Variants in NCOA3 observed in about 807,000 individuals in gnomAD.
NCOA3 encodes the protein CBP-interacting protein.
Under a neutral mutation model 158.8 loss-of-function variants are expected in NCOA3, and 51 were observed. The observed-to-expected ratio is 0.32, with a 90% confidence interval of 0.26 to 0.41. NCOA3 has a LOEUF of 0.41. Among genes scored for constraint, NCOA3 ranks in the 10% least tolerant of loss-of-function variants. NCOA3 has a pLI of 1.00. For synonymous variants in NCOA3, 537 were observed against 592.4 expected, an observed-to-expected ratio of 0.91 and a Z score of 1.36; for missense variants, 1,510 against 1,746.6, an observed-to-expected ratio of 0.86 and a Z score of 2.41.
chr20:47,521,459 G>A (rs186102227), intron 1 of NCOA3, among the ~76,000 whole-genome samples: 1 of 152,244 alleles, frequency 6.6e-6, no homozygotes, highest in East Asian at 1.9e-4. Context: ...TCTTATTCCT[G>A]ACGCACGTGG....
chr20:47,623,209 G>A (rs1373540373), intron 3 of NCOA3, among the ~76,000 whole-genome samples: 3 of 152,158 alleles, frequency 2.0e-5, no homozygotes, highest in Non-Finnish European at 4.4e-5. Flanking sequence ...GAAGTTTAAT[G>A]TGCTAGTTGA....
chr20:47,635,375 C>T lies in NCOA3; in HGVS notation c.1166C>T (p.Pro389Leu), dbSNP rs1250026993. 1.2e-6 allele frequency: 2 copies of T among 1,612,654 alleles called. No individual in the cohort carries two copies. The highest frequency in any genetic ancestry group is 1.7e-5 in the Admixed American group (1 of 59,990). ...AATCCTGTTGGACAAGGGATTAGAC[C>T]ACCTATGGCTGGATGCAACAGTTCG... ...NPNPVGQGIR[P>L]PMAGCNSSVG... The change falls in exon 11 of 23, where the codon CCA becomes CTA. Residue 389 changes from proline (P) to leucine (L), a missense_variant. Around this residue, in one of 4 missense-constraint regions of NCOA3, gnomAD observed 1,017 missense variants for 1,098.3 expected, o/e 0.93. Transcript: ENST00000371998.
At chr20:47,539,825 T>C (rs1003151703) in intron 1 of NCOA3, among the ~76,000 whole-genome samples, 10 of 152,236 alleles carry the variant, frequency 6.6e-5, no homozygotes, top group Non-Finnish European at 1.3e-4. Flanking sequence ...GCACCCGGCC[T>C]ATTTTATGTA....
chr20:47,561,998 A>C (rs1306621535), intron 1 of NCOA3, among the ~76,000 whole-genome samples: 1 of 151,776 alleles, frequency 6.6e-6, no homozygotes, highest in East Asian at 1.9e-4. Context: ...GACATGTCAT[A>C]TAGTTGGAAC....
intron 1 of NCOA3, among the ~76,000 whole-genome samples, chr20:47,512,460 C>T (rs542018730): frequency 2.0e-5 from 3 of 149,866 alleles, no homozygotes; most frequent in East Asian, 4.0e-4. Context: ...CCCAGCTACT[C>T]GGGAGGTTGA....
At chr20:47,622,159 A>C in intron 2 of NCOA3, 70 bp from the exon 3 acceptor site, 1 of 764,128 alleles carries the variant, frequency 1.3e-6, no homozygotes, top group African/African-American at 1.8e-5. Context: ...TCATTCAGTC[A>C]TATAACACCT....
intron 1 of NCOA3, among the ~76,000 whole-genome samples, chr20:47,505,009 T>TTTTTTTG (rs2084006551): frequency 2.0e-5 from 2 of 100,318 alleles, no homozygotes; most frequent in Non-Finnish European, 2.2e-5. Context: ...TTTGGTTTTT[T>TTTTTTTG]TTTTTTTTTT....
intron 1 of NCOA3, among the ~76,000 whole-genome samples, chr20:47,570,984 A>ATATGTG (rs1555805798): frequency 2.5e-5 from 3 of 120,762 alleles, no homozygotes; most frequent in African/African-American, 9.9e-5. Context: ...ATATACATAT[A>ATATGTG]TGTGTGTGTG....
chr20:47,559,740 T>G (rs1443086175), intron 1 of NCOA3, among the ~76,000 whole-genome samples: 1 of 151,974 alleles, frequency 6.6e-6, no homozygotes, highest in Non-Finnish European at 1.5e-5. Context: ...AAAATTAGCC[T>G]CCCAGGTTCC....
intron 2 of NCOA3, among the ~76,000 whole-genome samples, chr20:47,617,278 T>C (rs756880383): frequency 6.6e-5 from 10 of 152,204 alleles, no homozygotes; most frequent in Non-Finnish European, 1.3e-4. Flanking sequence ...ACAATCAAAC[T>C]TAGTGTGAGA....
intron 1 of NCOA3, among the ~76,000 whole-genome samples, chr20:47,581,242 A>T (rs2146217890): frequency 6.6e-6 from 1 of 152,310 alleles, no homozygotes; most frequent in East Asian, 1.9e-4. Context: ...TAGATATCTC[A>T]GTATGCATAT....
intron 1 of NCOA3, among the ~76,000 whole-genome samples, chr20:47,534,006 G>T (rs1473353955): frequency 6.6e-6 from 1 of 151,428 alleles, no homozygotes; most frequent in Non-Finnish European, 1.5e-5. Flanking sequence ...AATCCATGTT[G>T]GTTTAGACTA....
chr20:47,638,915 T>G, intron 13 of NCOA3, 93 bp from the exon 14 acceptor site: 1 of 1,009,848 alleles, frequency 9.9e-7, no homozygotes. Flanking sequence ...AAGAAAGACA[T>G]TCTTGGGTGG....
chr20:47,634,247 A>G, intron 10 of NCOA3, 52 bp downstream of exon 10: 1 of 1,538,986 alleles, frequency 6.5e-7, no homozygotes, highest in Non-Finnish European at 8.8e-7. Context: ...GTGTTCTCAA[A>G]ATGCTTTATT....
intron 1 of NCOA3, among the ~76,000 whole-genome samples, chr20:47,550,190 A>G (rs1207655353): frequency 6.6e-6 from 1 of 151,204 alleles, no homozygotes; most frequent in African/African-American, 2.4e-5. Flanking sequence ...CACACCTGTA[A>G]TCCCGGCACT....
At chr20:47,543,534 GAGTC>G (rs1359258811) in intron 1 of NCOA3, among the ~76,000 whole-genome samples, 3 of 150,770 alleles carry the variant, frequency 2.0e-5, no homozygotes, top group Non-Finnish European at 4.4e-5. Flanking sequence ...CCTTTGGAGA[GAGTC>G]TTGCTCTGTT....
At chr20:47,642,769 G>A (rs1172107470) in intron 17 of NCOA3, among the ~76,000 whole-genome samples, 1 of 150,222 alleles carries the variant, frequency 6.7e-6, no homozygotes, top group Non-Finnish European at 1.5e-5. Context: ...CTTTTTTTTT[G>A]CTTGTTTGTT....
At chr20:47,578,460 A>G (rs2085405116) in intron 1 of NCOA3, among the ~76,000 whole-genome samples, 1 of 152,226 alleles carries the variant, frequency 6.6e-6, no homozygotes, top group African/African-American at 2.4e-5. Flanking sequence ...TGCTAGGATT[A>G]CAGGCATGAG....
chr20:47,638,545 G>T (rs906148203), intron 13 of NCOA3, among the ~76,000 whole-genome samples: 1 of 151,800 alleles, frequency 6.6e-6, no homozygotes, highest in Non-Finnish European at 1.5e-5. Flanking sequence ...AGAGTGGGGG[G>T]GAAAAAAAGA....
Sources: gnomAD v4.1 joint callset for allele counts (sites outside exome capture counted in the v4.1 genomes callset) on GRCh38, gnomAD v4.1.1 for gene constraint, gnomAD v4.1.1 regional missense constraint, MANE v1.5 for transcripts, NCBI Gene and HGNC (gene_info 2026-07-23, HGNC 2026-07-21) for gene names.